Variants in ZNF766 observed in about 807,000 individuals in gnomAD.
ZNF766 encodes the protein zinc finger protein 766.
In ZNF766, 13 loss-of-function variants were observed where a neutral mutation model predicts 13.2. The observed-to-expected ratio is 0.98, with a 90% CI of 0.64 to 1.56. The LOEUF is 1.56. Ranked by LOEUF, ZNF766 falls within the 40% of genes most tolerant of loss-of-function variation. The pLI, the probability that ZNF766 is intolerant of heterozygous loss-of-function variation, is 0.00. For synonymous variants in ZNF766, 178 were observed against 187.6 expected (o/e 0.95, Z 0.42); for missense variants, 521 against 552.2 (o/e 0.94, Z 0.57).
chr19:52,290,437 A>G lies in ZNF766; in HGVS notation c.646A>G (p.Arg216Gly). The change falls in exon 4 of 4, where the codon AGA (arginine) becomes GGA (glycine). Residue 216 changes from arginine to glycine, a missense_variant. Coordinates refer to ENST00000439461, the MANE Select transcript of ZNF766 (RefSeq NM_001010851.3). ...AATCCACACTGCAGATAAACCTAAC[A>G]GATGTCATGAATGTGGTAAAACCGT... ...QVIHTADKPN[R>G]CHECGKTVRD... 1 of 1,613,960 alleles carries G rather than the reference A, an allele frequency of 6.2e-7. No homozygotes were observed. Among genetic ancestry groups the G allele is most frequent in the Non-Finnish European group, 8.5e-7 (1 of 1,179,992 alleles).
At chr19:52,270,182 A>T (rs751646256) in intron 1 of ZNF766, among the ~76,000 whole-genome samples, 18 of 152,240 alleles carry the variant, frequency 1.2e-4, no homozygotes, top group Admixed American at 9.8e-4. Flanking sequence ...TTCCGTCCCA[A>T]ATTCCTCCCA....
chr19:52,277,903 G>A (rs543053586), intron 1 of ZNF766, among the ~76,000 whole-genome samples: 6 of 151,886 alleles, frequency 4.0e-5, no homozygotes, highest in Admixed American at 2.0e-4. Context: ...GCTGCCCACA[G>A]AAATCACCTA....
chr19:52,289,981 G>A (rs1189642626), intron 3 of ZNF766, 85 bp from the exon 4 acceptor site: 19 of 1,425,460 alleles, frequency 1.3e-5, no homozygotes, highest in African/African-American at 2.9e-5. Context: ...AGCCTGGGTG[G>A]CAAAGCCAGA....
intron 3 of ZNF766, among the ~76,000 whole-genome samples, chr19:52,283,789 G>A (rs999709197): frequency 6.6e-6 from 1 of 152,146 alleles, no homozygotes; most frequent in African/African-American, 2.4e-5. Flanking sequence ...CCAGGCTGGA[G>A]TGCAATGGCG....
At chr19:52,283,508 G>A (rs1258733294) in intron 3 of ZNF766, 95 bp downstream of exon 3, 5 of 1,404,498 alleles carry the variant, frequency 3.6e-6, no homozygotes, top group Non-Finnish European at 4.7e-6. Context: ...GGCCATCATA[G>A]CTCACTGCAG....
At chr19:52,277,613 A>C (rs1981276520) in intron 1 of ZNF766, 11 of 1,482,186 alleles carry the variant, frequency 7.4e-6, no homozygotes, top group Non-Finnish European at 1.0e-5. Flanking sequence ...GGAGTTGAGA[A>C]TCTTCTCTGA....
At chr19:52,285,924 G>A (rs1412315387) in intron 3 of ZNF766, among the ~76,000 whole-genome samples, 1 of 152,154 alleles carries the variant, frequency 6.6e-6, no homozygotes, top group East Asian at 1.9e-4. Flanking sequence ...GCCAGGAACT[G>A]TGGACAAAAA....
At chr19:52,272,653 A>G (rs1489723321) in intron 1 of ZNF766, among the ~76,000 whole-genome samples, 1 of 151,974 alleles carries the variant, frequency 6.6e-6, no homozygotes, top group African/African-American at 2.4e-5. Flanking sequence ...TTTTTAGTAC[A>G]GACTGGGTTT....
chr19:52,290,903 C>T lies in ZNF766; in HGVS notation c.1112C>T (p.Thr371Ile), dbSNP rs751978627. 1 of 1,614,036 alleles carries T rather than the reference C, an allele frequency of 6.2e-7. No individual in the cohort carries two copies. Among genetic ancestry groups the T allele is most frequent in the South Asian group, 1.1e-5 (1 of 91,074 alleles). ...GCTTTTAGGCACAAGTTCTCCCTGA[C>T]AGTTCATCAGAGAAATCATAATGGA... ...DKAFRHKFSL[T>I]VHQRNHNGEK... Residue 371 changes from threonine (T) to isoleucine (I), a missense_variant, in exon 4 of 4, where the codon ACA becomes ATA. Thr to Ile is a moderately conservative substitution (Grantham distance 89). Coordinates refer to ENST00000439461, the MANE Select transcript of ZNF766 (RefSeq NM_001010851.3).
At chr19:52,278,692 A>C (rs1287653358) in intron 1 of ZNF766, among the ~76,000 whole-genome samples, 3 of 152,110 alleles carry the variant, frequency 2.0e-5, no homozygotes. Context: ...GGCATGAGCC[A>C]CCGCACCTGG....
At chr19:52,270,970 G>C (rs966006105) in intron 1 of ZNF766, among the ~76,000 whole-genome samples, 1 of 152,102 alleles carries the variant, frequency 6.6e-6, no homozygotes, top group Non-Finnish European at 1.5e-5. Flanking sequence ...TTTTAGTAGA[G>C]ACAGGGTTTC....
In ZNF766 at chr19:52,293,662, G is replaced by A. The variant is rs1362920616; in HGVS notation, c.*2464G>A. The A allele has an allele frequency of 6.5e-6, 1 of 152,988 alleles. No individual in the cohort carries two copies. Among genetic ancestry groups the A allele is most frequent in the African/African-American group, 2.4e-5 (1 of 41,410 alleles). 9.5% of individuals were successfully genotyped at this position (152,988 alleles called of 1,614,324 possible). A position where few individuals can be genotyped will look rare whatever the true frequency, so the allele number is the denominator to read the frequency against. On this transcript the variant is annotated 3_prime_UTR_variant, in exon 4 of 4. Coordinates refer to ENST00000439461, the MANE Select transcript of ZNF766 (RefSeq NM_001010851.3). The stretch of plus-strand genomic sequence containing the variant: ...TGTTTTGAGATGGAGTTTCGCTCTT[G>A]TTTCCCAGGCTGGAGTGCAATGGTG...
intron 3 of ZNF766, among the ~76,000 whole-genome samples, chr19:52,289,771 CG>C (rs1391072603): frequency 2.0e-5 from 3 of 152,074 alleles, no homozygotes; most frequent in Non-Finnish European, 4.4e-5. Flanking sequence ...GAGGCCACGG[CG>C]GGCGGATCAC....
In ZNF766 at chr19:52,293,272, C is replaced by G. The variant is rs1982229997; in HGVS notation, c.*2074C>G. ...CACTGCATCCTCTGCCTCCCGGGTT[C>G]AAGTGATTCTCCTGTCTACACCTCC... is the stretch of plus-strand genomic sequence containing the variant. On this transcript the variant is annotated 3_prime_UTR_variant, in exon 4 of 4. Coordinates refer to ENST00000439461, the MANE Select transcript of ZNF766 (RefSeq NM_001010851.3). 6.7e-6 allele frequency: 1 copy of G among 149,132 alleles called. No individual in the cohort carries two copies. Among genetic ancestry groups the G allele is most frequent in the Non-Finnish European group, 1.5e-5 (1 of 67,762 alleles). The allele number at this position is 149,132 out of a possible 1,614,324, so 9.2% of individuals were successfully genotyped here.
At chr19:52,285,681 A>T (rs1236757418) in intron 3 of ZNF766, among the ~76,000 whole-genome samples, 1 of 152,192 alleles carries the variant, frequency 6.6e-6, no homozygotes, top group African/African-American at 2.4e-5. Flanking sequence ...TTGGGTTTTC[A>T]TGGAAGCTTT....
Position 52,291,163 on chromosome 19 carries a change from C to T in ZNF766, c.1372C>T (p.Gln458Ter), listed in dbSNP as rs1209742602. 1 of 1,598,308 alleles carries T rather than the reference C, an allele frequency of 6.3e-7. No individual in the cohort carries two copies. The highest frequency in any genetic ancestry group is 1.7e-5 in the Admixed American group (1 of 57,894). The change falls in exon 4 of 4, where the codon CAG (glutamine) becomes TAG (stop). Residue 458 changes from glutamine to a stop codon, truncating the protein, a stop_gained. Coordinates refer to ENST00000439461, the MANE Select transcript of ZNF766 (RefSeq NM_001010851.3). LOFTEE classifies it low-confidence loss of function (END_TRUNC). ...GCACAGTTCATGGTTTGTACAGCATCAGAGAAGTGTTCATGAGAGAGTCCT... is the reference window on the plus strand; with the variant it reads ...GCACAGTTCATGGTTTGTACAGCATTAGAGAAGTGTTCATGAGAGAGTCCT... ...FRHSSWFVQH[Q>*]RSVHERVLTN
intron 1 of ZNF766, among the ~76,000 whole-genome samples, chr19:52,277,794 G>C (rs1981285795): frequency 1.3e-5 from 2 of 151,992 alleles, no homozygotes; most frequent in South Asian, 4.2e-4. Flanking sequence ...GTGGAGACGG[G>C]GTGAGGGCCC....
At position 52,295,129 on chromosome 19, in the gene ZNF766, TA is replaced by T. The variant is rs1315523289; in HGVS notation, c.*3932del. On this transcript the variant is annotated 3_prime_UTR_variant, in exon 4 of 4. Coordinates refer to ENST00000439461, the MANE Select transcript of ZNF766 (RefSeq NM_001010851.3). The stretch of plus-strand genomic sequence containing the variant: ...TATGCACGTATAGACACATATATAA[TA>T]TTTTTTTTTTACTTTTTTCTTTTTC... The T allele has an allele frequency of 7.3e-5, 11 of 150,816 alleles. No individual in the cohort carries two copies. Among genetic ancestry groups the T allele is most frequent in the South Asian group, 2.1e-4 (1 of 4,822 alleles). The allele number at this position is 150,816 out of a possible 1,614,324, so 9.3% of individuals were successfully genotyped here.
chr19:52,290,559 A>C lies in ZNF766; in HGVS notation c.768A>C (p.Ala256=), dbSNP rs1982081017. ...KECGKLFNRI[A]YLARHEKVHT... is the part of the protein sequence containing the mutation. ...GTGGCAAGCTCTTCAATCGAATTGC[A>C]TACCTTGCACGACACGAGAAAGTGC... Residue 256 remains alanine (A), a synonymous_variant, in exon 4 of 4, where the codon GCA becomes GCC. Coordinates refer to ENST00000439461, the MANE Select transcript of ZNF766 (RefSeq NM_001010851.3). 3 of 1,614,150 alleles carry C rather than the reference A, an allele frequency of 1.9e-6. No homozygotes were observed. In the East Asian group the frequency reaches 6.7e-5, roughly 36 times the overall value.
Sources: gnomAD v4.1 joint callset for allele counts (sites outside exome capture counted in the v4.1 genomes callset) on GRCh38, gnomAD v4.1.1 for gene constraint, MANE v1.5 for transcripts, NCBI Gene and HGNC (gene_info 2026-07-23, HGNC 2026-07-21) for gene names.